Variants in CACNA1C observed in about 807,000 individuals in gnomAD.
CACNA1C encodes the protein calcium voltage-gated channel subunit alpha1 C, also known as voltage-dependent L-type calcium channel subunit alpha-1C.
A neutral mutation model predicts 229.0 loss-of-function variants in CACNA1C; 30 were observed. The ratio of observed to expected loss-of-function variants is 0.13; its 90% CI spans 0.10 to 0.18. The LOEUF is 0.18. Ranked by LOEUF, CACNA1C falls within the 10% of genes least tolerant of loss-of-function variation. The pLI is 1.00. For missense variants in CACNA1C, 1,658 were observed against 2,845.0 expected, an observed-to-expected ratio of 0.58 and a Z score of 9.49; for synonymous variants, 1,114 against 1,132.5, an observed-to-expected ratio of 0.98 and a Z score of 0.33.
At chr12:2,610,410 G>A in intron 27 of CACNA1C, 131 bp from the exon 28 acceptor site, 1 of 895,582 alleles carries the variant, frequency 1.1e-6, no homozygotes, top group Non-Finnish European at 1.7e-6. Flanking sequence ...AGCGGCCAAT[G>A]ATTTCTCAGA....
In CACNA1C at chr12:2,021,890, A is replaced by G. The variant is rs369003807; in HGVS notation, c.139+50689A>G. Among the ~76,000 whole-genome samples, 9 of 152,314 alleles carry G rather than the reference A, an allele frequency of 5.9e-5. No individual in the cohort carries two copies. The South Asian group carries it at 1.5e-3, about 25-fold the overall frequency. On this transcript the variant is annotated intron_variant, in intron 1 of 46. Transcript: ENST00000682462. ...CCTCTAAAAGGCTCCACCTCCCAAC[A>G]TTATTGCATTGGGGGTTAAGTTTCC... is the stretch of plus-strand genomic sequence containing the variant.
chr12:2,113,723 T>C (rs1360962637), intron 1 of CACNA1C, among the ~76,000 whole-genome samples: 2 of 152,170 alleles, frequency 1.3e-5, no homozygotes, highest in East Asian at 3.9e-4. Context: ...GTACCACGTC[T>C]CAAGGTCATG....
intron 3 of CACNA1C, among the ~76,000 whole-genome samples, chr12:2,233,088 G>A (rs145370573): frequency 1.5e-3 from 222 of 152,276 alleles, no homozygotes; most frequent in African/African-American, 4.9e-3. Context: ...CTGGGCACTA[G>A]GTGTGCTCAT....
rs2093334022 is a variant in CACNA1C at position 2,639,231 on chromosome 12, T to G, written c.3912+4851T>G. 6.6e-6 allele frequency among the ~76,000 whole-genome samples: 1 copy of G among 151,922 alleles called. No homozygotes were observed. Among genetic ancestry groups the G allele is most frequent in the Non-Finnish European group, 1.5e-5 (1 of 67,992 alleles). On this transcript the variant is annotated intron_variant, in intron 30 of 46. Transcript: ENST00000399655. The surrounding 1 kb of genome is among the most constrained non-coding windows in gnomAD (Gnocchi z 4.2). ...CCTCTGTGAGCCGGGGAGGTAAGAG[T>G]GCGATGTCCTGCTGCTCTAGGGAAG...
chr12:2,346,254 T>G lies in CACNA1C; in HGVS notation c.478-102722T>G, dbSNP rs12812579. ...GTGTGTCTGTGTGTGTCTCTGTCTG[T>G]GCATCTCTCGTATGTGCCTGTGTCT... On this transcript the variant is annotated intron_variant, in intron 3 of 46. Transcript: ENST00000399655. The surrounding 1 kb of genome is among the most constrained non-coding windows in gnomAD (Gnocchi z 4.4). Among the ~76,000 whole-genome samples the G allele has an allele frequency of 0.027, 4,170 of 152,214 alleles. 79 individuals are homozygous for G. Among genetic ancestry groups the G allele is most frequent in the Non-Finnish European group, 0.041 (2,818 of 67,990 alleles).
chr12:2,231,659 A>G (rs1463758503), intron 3 of CACNA1C, among the ~76,000 whole-genome samples: 1 of 152,174 alleles, frequency 6.6e-6, no homozygotes, highest in Non-Finnish European at 1.5e-5. Flanking sequence ...TTTTGCAAGC[A>G]GCGCCCGGTA....
intron 5 of CACNA1C, among the ~76,000 whole-genome samples, chr12:2,482,494 A>G (rs868072766): frequency 1.6e-4 from 24 of 152,252 alleles, no homozygotes; most frequent in African/African-American, 5.8e-4. Flanking sequence ...ACATATGGTT[A>G]CAAATAGTGC....
intron 3 of CACNA1C, among the ~76,000 whole-genome samples, chr12:2,236,359 G>T (rs757546113): frequency 6.6e-6 from 1 of 152,182 alleles, no homozygotes; most frequent in Non-Finnish European, 1.5e-5. Flanking sequence ...TCATGCCTGT[G>T]TACTAATTTC....
chr12:2,103,768 G>A (rs969723735), intron 1 of CACNA1C, among the ~76,000 whole-genome samples: 2 of 152,174 alleles, frequency 1.3e-5, no homozygotes, highest in Non-Finnish European at 1.5e-5. Context: ...GTATAAGGAA[G>A]GGATCCAGTT....
rs1378815724 is a variant in CACNA1C at position 2,345,310 on chromosome 12, G to A, written c.478-103666G>A. On this transcript the variant is annotated intron_variant, in intron 3 of 46. Transcript: ENST00000399655. ...CTCGAACAGGCAGCTCCCCCTGTAC[G>A]CCAGGCATTAACTGGATTGGTAGCT... Among the ~76,000 whole-genome samples the A allele has an allele frequency of 3.9e-5, 6 of 151,942 alleles. No homozygotes were observed. In the East Asian group the frequency reaches 5.8e-4, roughly 15 times the overall value.
At chr12:2,473,780 A>G (rs1216727720) in intron 5 of CACNA1C, among the ~76,000 whole-genome samples, 1 of 152,208 alleles carries the variant, frequency 6.6e-6, no homozygotes, top group Non-Finnish European at 1.5e-5. Flanking sequence ...TCTAAGCATG[A>G]TGTTTAGAAA....
intron 3 of CACNA1C, among the ~76,000 whole-genome samples, chr12:2,235,632 A>G (rs1291091687): frequency 6.6e-6 from 1 of 152,010 alleles, no homozygotes; most frequent in Admixed American, 6.5e-5. Flanking sequence ...TTACCCAGGG[A>G]TGGGATGGGG....
chr12:2,024,946 A>G (rs1381253218), intron 1 of CACNA1C, among the ~76,000 whole-genome samples: 1 of 152,158 alleles, frequency 6.6e-6, no homozygotes, highest in Non-Finnish European at 1.5e-5. Flanking sequence ...TTCTCTGACT[A>G]TCCTGCACTG....
chr12:2,352,461 C>T (rs2097230097), intron 3 of CACNA1C, among the ~76,000 whole-genome samples: 1 of 152,180 alleles, frequency 6.6e-6, no homozygotes, highest in Admixed American at 6.5e-5. Context: ...GTTTGAAGAC[C>T]TTCACAAGAC....
chr12:2,318,540 G>A (rs1006016969), intron 3 of CACNA1C, among the ~76,000 whole-genome samples: 9 of 152,246 alleles, frequency 5.9e-5, no homozygotes, highest in South Asian at 2.1e-4. Context: ...CCTGTGCTAC[G>A]CTTCTGTAAG....
intron 3 of CACNA1C, among the ~76,000 whole-genome samples, chr12:2,120,677 TG>T (rs2086222091): frequency 6.6e-6 from 1 of 151,078 alleles, no homozygotes; most frequent in Non-Finnish European, 1.5e-5. Flanking sequence ...TGTGTGTGTG[TG>T]TGTGTGTGTG....
intron 1 of CACNA1C, among the ~76,000 whole-genome samples, chr12:1,987,644 G>C (rs2038177744): frequency 6.6e-6 from 1 of 151,950 alleles, no homozygotes; most frequent in Non-Finnish European, 1.5e-5. Flanking sequence ...TATCATGTAT[G>C]TACCATTTCT....
At position 2,158,482 on chromosome 12, in the gene CACNA1C, T is replaced by A. The variant is rs146444488; in HGVS notation, c.477+38052T>A. Among the ~76,000 whole-genome samples the A allele has an allele frequency of 3.8e-3, 575 of 151,864 alleles. 4 individuals carry two copies. Among genetic ancestry groups the A allele is most frequent in the African/African-American group, 0.013 (538 of 41,382 alleles). ...GTCCCAGCTACTCAGGAGGTTGAGA[T>A]GGGAGGATTGCTTGAGCCTGGGCGA... On this transcript the variant is annotated intron_variant, in intron 3 of 46. Coordinates refer to ENST00000399655, the MANE Select transcript of CACNA1C (RefSeq NM_000719.7).
At chr12:2,501,921 C>T (rs528969012) in intron 7 of CACNA1C, among the ~76,000 whole-genome samples, 33 of 152,248 alleles carry the variant, frequency 2.2e-4, no homozygotes, top group Non-Finnish European at 4.6e-4. Flanking sequence ...GATGGCCTCA[C>T]AGCCATAGGC....
Sources: allele counts gnomAD v4.1 joint callset (sites outside exome capture counted in the v4.1 genomes callset), GRCh38; gene constraint gnomAD v4.1.1; non-coding constraint Gnocchi (gnomAD v3.1); transcripts MANE v1.5; gene names NCBI Gene and HGNC (gene_info 2026-07-23, HGNC 2026-07-21).